Variants in EIF2A observed in about 807,000 individuals in gnomAD.
EIF2A encodes eukaryotic translation initiation factor 2A, also known as 65 kDa eukaryotic translation initiation factor 2A.
EIF2A carries 62 observed loss-of-function variants against 75.2 expected under a neutral mutation model. The ratio of observed to expected loss-of-function variants is 0.82; its 90% CI spans 0.67 to 1.02. EIF2A has a LOEUF of 1.02. EIF2A is among the 50% of genes least tolerant of loss of function. The pLI is 0.00. For missense variants in EIF2A, 611 were observed against 677.7 expected (o/e 0.90, Z 1.09); for synonymous variants, 207 against 239.0 (o/e 0.87, Z 1.23).
chr3:150,556,702 G>A (rs75087456), intron 2 of EIF2A, among the ~76,000 whole-genome samples: 18,717 of 152,128 alleles, frequency 0.12, 1,311 homozygotes, highest in Non-Finnish European at 0.16. Flanking sequence ...TCTATTTTTT[G>A]TGTATGTTTG....
intron 1 of EIF2A, among the ~76,000 whole-genome samples, chr3:150,551,520 C>T (rs1723313172): frequency 6.6e-6 from 1 of 151,802 alleles, no homozygotes; most frequent in Non-Finnish European, 1.5e-5. Context: ...ATTGCCTTAG[C>T]CCAGGAGTTA....
intron 1 of EIF2A, 102 bp downstream of exon 1, chr3:150,546,932 C>T (rs1723064228): frequency 1.3e-6 from 2 of 1,533,470 alleles, no homozygotes; most frequent in Admixed American, 1.8e-5. Context: ...TCTGATCTGC[C>T]TTTTCTTGTG....
intron 3 of EIF2A, among the ~76,000 whole-genome samples, chr3:150,560,746 C>G (rs1723811156): frequency 6.7e-6 from 1 of 148,842 alleles, no homozygotes; most frequent in Non-Finnish European, 1.5e-5. Flanking sequence ...TGTTAAACAC[C>G]CCAGAGTGTT....
rs144330154 is a variant in EIF2A at position 150,563,750 on chromosome 3, T to C, written c.392+136T>C. ...TCTACATTTTTAAGGATTTTGTATGTAGGAATGTAATAGAGCAAAAACTTG... is the reference window on the plus strand; with the variant it reads ...TCTACATTTTTAAGGATTTTGTATGCAGGAATGTAATAGAGCAAAAACTTG... On this transcript the variant is annotated intron_variant, in intron 5 of 13. Coordinates refer to ENST00000460851, the MANE Select transcript of EIF2A (RefSeq NM_032025.5). 85 of 716,100 alleles carry C rather than the reference T, an allele frequency of 1.2e-4. No individual in the cohort carries two copies. The African/African-American group carries it at 1.4e-3, about 12-fold the overall frequency. 44.4% of individuals were successfully genotyped at this position (716,100 alleles called of 1,614,324 possible).
At chr3:150,581,891 T>C in intron 12 of EIF2A, 145 bp downstream of exon 12, 1 of 959,038 alleles carries the variant, frequency 1.0e-6, no homozygotes, top group Non-Finnish European at 1.5e-6. Context: ...TGAAGCACTG[T>C]TCACTTAGGA....
intron 2 of EIF2A, among the ~76,000 whole-genome samples, chr3:150,555,594 GA>G (rs1723520439): frequency 1.3e-5 from 2 of 150,038 alleles, no homozygotes; most frequent in African/African-American, 4.9e-5. Context: ...CACTACTCTA[GA>G]AAACCCAGTC....
Position 150,575,691 on chromosome 3 carries a change from A to G in EIF2A, c.1426A>G (p.Asn476Asp). The change falls in exon 11 of 14, where the codon AAC becomes GAC. Residue 476 changes from asparagine to aspartate, a missense_variant. Transcript: ENST00000460851. ...TCAGAATATGAAACCACAATCAGGA[A>G]ACGATAAGCCATTATCAAAAACAGC... ...PPQNMKPQSG[N>D]DKPLSKTALK... 6.2e-7 allele frequency: 1 copy of G among 1,613,234 alleles called. No individual in the cohort carries two copies. Among genetic ancestry groups the G allele is most frequent in the Non-Finnish European group, 8.5e-7 (1 of 1,179,616 alleles).
chr3:150,559,956 C>G (rs541269243), intron 3 of EIF2A, among the ~76,000 whole-genome samples: 2 of 152,042 alleles, frequency 1.3e-5, no homozygotes, highest in East Asian at 3.9e-4. Flanking sequence ...ATTTTTTAAT[C>G]CATATTTTAG....
At chr3:150,568,500 T>TA (rs922680304) in intron 9 of EIF2A, among the ~76,000 whole-genome samples, 1 of 152,252 alleles carries the variant, frequency 6.6e-6, no homozygotes, top group Non-Finnish European at 1.5e-5. Flanking sequence ...TTATTTGAGT[T>TA]ACGCCATCGT....
At chr3:150,551,965 GC>G (rs1281850512) in intron 1 of EIF2A, among the ~76,000 whole-genome samples, 1 of 151,740 alleles carries the variant, frequency 6.6e-6, no homozygotes, top group African/African-American at 2.4e-5. Flanking sequence ...TTTATATAAA[GC>G]ATACAGCTAT....
intron 11 of EIF2A, among the ~76,000 whole-genome samples, chr3:150,579,322 T>C (rs761497040): frequency 1.5e-3 from 226 of 152,312 alleles, no homozygotes; most frequent in Middle Eastern, 0.01. Flanking sequence ...ATATTTTCTT[T>C]CGAATTCTCA....
chr3:150,571,170 C>T (rs1205537221), intron 9 of EIF2A, among the ~76,000 whole-genome samples: 2 of 151,808 alleles, frequency 1.3e-5, no homozygotes, highest in African/African-American at 2.4e-5. Context: ...GATGGAGTCT[C>T]GCTTTGTCAC....
rs1249124608 is a variant in EIF2A, at chr3:150,563,502, A to T, written c.293-13A>T. ...TACAAGGCAATTACTGAAAAAAAGA[A>T]ATTTTATTGCAGCTTCTAAAGATGG... On this transcript the variant is annotated splice_polypyrimidine_tract_variant and intron_variant, in intron 4 of 13. Transcript: ENST00000460851. 1 of 1,539,414 alleles carries T rather than the reference A, an allele frequency of 6.5e-7. No individual in the cohort carries two copies. The highest frequency in any genetic ancestry group is 8.7e-7 in the Non-Finnish European group (1 of 1,143,020).
intron 12 of EIF2A, 116 bp downstream of exon 12, chr3:150,581,862 C>T: frequency 8.0e-7 from 1 of 1,251,310 alleles, no homozygotes; most frequent in Non-Finnish European, 1.1e-6. Context: ...CAGCAGTTCT[C>T]ATTGTTGTTT....
In EIF2A at chr3:150,584,935, C is replaced by T. The variant is rs1275079692; in HGVS notation, c.*1024C>T. Among the ~76,000 whole-genome samples the T allele has an allele frequency of 1.3e-5, 2 of 151,696 alleles. No individual in the cohort carries two copies. The highest frequency in any genetic ancestry group is 2.9e-5 in the Non-Finnish European group (2 of 67,956). Reference sequence around the variant, plus strand: ...ATGAAAATTAAGTCTGTTCCACTACCACATTTTCCAGTTTTTTGTGTATCT... The same window carrying T: ...ATGAAAATTAAGTCTGTTCCACTACTACATTTTCCAGTTTTTTGTGTATCT... On this transcript the variant is annotated 3_prime_UTR_variant, in exon 14 of 14. Transcript: ENST00000460851.
At chr3:150,548,635 G>T (rs765069434) in intron 1 of EIF2A, among the ~76,000 whole-genome samples, 3 of 152,208 alleles carry the variant, frequency 2.0e-5, no homozygotes, top group African/African-American at 4.8e-5. Context: ...ACCCTATTTT[G>T]AACTGTGCAT....
At chr3:150,578,460 G>A (rs1302143339) in intron 11 of EIF2A, among the ~76,000 whole-genome samples, 1 of 150,944 alleles carries the variant, frequency 6.6e-6, no homozygotes, top group Non-Finnish European at 1.5e-5. Flanking sequence ...TTGTAACTCT[G>A]TTATAAATGT....
At chr3:150,548,838 T>G (rs934976082) in intron 1 of EIF2A, among the ~76,000 whole-genome samples, 2 of 152,214 alleles carry the variant, frequency 1.3e-5, no homozygotes, top group Non-Finnish European at 2.9e-5. Context: ...CCAGAGAGAT[T>G]AAGTGGTCCG....
chr3:150,556,235 C>T (rs952621803), intron 2 of EIF2A, among the ~76,000 whole-genome samples: 4 of 152,126 alleles, frequency 2.6e-5, no homozygotes, highest in Non-Finnish European at 5.9e-5. Context: ...CTCAGTATCA[C>T]TAAGAGTAGA....
Sources: allele counts gnomAD v4.1 joint callset (sites outside exome capture counted in the v4.1 genomes callset), GRCh38; gene constraint gnomAD v4.1.1; transcripts MANE v1.5; gene names NCBI Gene and HGNC (gene_info 2026-07-23, HGNC 2026-07-21).